MYH15: variants seen among roughly 807,000 people sequenced by gnomAD.
MYH15 encodes the protein myosin heavy chain 15, also known as myosin-15.
In MYH15, 227 loss-of-function variants were observed where a neutral mutation model predicts 240.5. The observed-to-expected ratio is 0.94, with a 90% CI of 0.85 to 1.05. The LOEUF is 1.05. Among genes scored for constraint, MYH15 ranks in the 50% least tolerant of loss-of-function variants. The pLI, the probability that MYH15 is intolerant of heterozygous loss-of-function variation, is 0.00. For missense variants in MYH15, 2,217 were observed against 2,247.5 expected (o/e 0.99, Z 0.27); for synonymous variants, 785 against 796.7 (o/e 0.99, Z 0.25).
In MYH15 at chr3:108,383,746, A is replaced by AAT; in HGVS notation, c.5632-18_5632-17insAT. On this transcript the variant is annotated splice_polypyrimidine_tract_variant and intron_variant, in intron 39 of 40. Coordinates refer to ENST00000693548, the MANE Select transcript of MYH15 (RefSeq NM_014981.3). Reference sequence around the variant, plus strand: ...TTGTGTTTCCTATAAAAATAAAAAAAAAAAAAAAGAAATCTCCATGCCTAT... The same window carrying AAT: ...TTGTGTTTCCTATAAAAATAAAAAAAATAAAAAAAAGAAATCTCCATGCCTAT... The AAT allele has an allele frequency of 2.0e-6, 3 of 1,535,630 alleles. No homozygotes were observed. The highest frequency in any genetic ancestry group is 2.6e-6 in the Non-Finnish European group (3 of 1,146,676).
intron 2 of MYH15, among the ~76,000 whole-genome samples, chr3:108,504,040 C>T (rs1316809966): frequency 6.6e-6 from 1 of 152,064 alleles, no homozygotes; most frequent in Non-Finnish European, 1.5e-5. Flanking sequence ...TGAAAGAAGC[C>T]AGAAACAAAA....
intron 9 of MYH15, among the ~76,000 whole-genome samples, chr3:108,490,100 A>ACATGTC (rs61196076): frequency 0.029 from 4,398 of 152,264 alleles, 189 homozygotes; most frequent in African/African-American, 0.094. Flanking sequence ...ATCCAGAAAC[A>ACATGTC]CATGTCAAGA....
chr3:108,530,536 T>C (rs886134866), upstream of MYH15, among the ~76,000 whole-genome samples: 7 of 152,196 alleles, frequency 4.6e-5, no homozygotes, highest in African/African-American at 1.7e-4. Context: ...ACCCATAGGA[T>C]GTACAATACC....
intron 32 of MYH15, among the ~76,000 whole-genome samples, chr3:108,406,915 T>C (rs1023287655): frequency 7.9e-5 from 12 of 152,182 alleles, no homozygotes; most frequent in Admixed American, 2.6e-4. Context: ...CATTGGCTTG[T>C]CATAGTACTT....
At chr3:108,437,518 C>T in intron 25 of MYH15, 36 bp downstream of exon 25, 1 of 1,597,290 alleles carries the variant, frequency 6.3e-7, no homozygotes, top group Non-Finnish European at 8.5e-7. Context: ...AATATAAGGT[C>T]TCCAGCAATC....
chr3:108,398,928 T>C (rs1346474293), intron 34 of MYH15, 88 bp from the exon 35 acceptor site: 1 of 1,466,748 alleles, frequency 6.8e-7, no homozygotes, highest in Non-Finnish European at 9.5e-7. Flanking sequence ...TGACTATATA[T>C]TTAGACATAA....
At position 108,476,379 on chromosome 3, in the gene MYH15, C is replaced by T; in HGVS notation, c.1233+18G>A. 7.2e-7 allele frequency: 1 copy of T among 1,392,216 alleles called. No homozygotes were observed. Among genetic ancestry groups the T allele is most frequent in the South Asian group, 1.2e-5 (1 of 86,170 alleles). 86.2% of individuals were successfully genotyped at this position (1,392,216 alleles called of 1,614,324 possible). On this transcript the variant is annotated intron_variant, in intron 12 of 40. Transcript: ENST00000693548. ...TGGAAGATCATAGAATAATAATGCT[C>T]TTGAAATATCACCTTACCTGTTCTA... is the stretch of plus-strand genomic sequence containing the variant.
intron 5 of MYH15, 26 bp from the exon 6 acceptor site, chr3:108,498,171 G>C: frequency 6.3e-7 from 1 of 1,595,688 alleles, no homozygotes; most frequent in Non-Finnish European, 8.6e-7. Context: ...CAGTGATACA[G>C]TTAACTGGTT....
chr3:108,478,978 T>C (rs1057489608), intron 11 of MYH15, among the ~76,000 whole-genome samples: 11 of 152,174 alleles, frequency 7.2e-5, no homozygotes, highest in African/African-American at 2.7e-4. Flanking sequence ...TACCCTGGAT[T>C]TACTCCAGAG....
intron 25 of MYH15, among the ~76,000 whole-genome samples, chr3:108,435,914 T>C (rs2082830673): frequency 6.6e-6 from 1 of 152,034 alleles, no homozygotes; most frequent in African/African-American, 2.4e-5. Flanking sequence ...GTTGCTTCTA[T>C]ATATTGGCTA....
intron 19 of MYH15, 38 bp downstream of exon 19, chr3:108,456,728 C>T: frequency 4.2e-6 from 6 of 1,443,984 alleles, no homozygotes; most frequent in Non-Finnish European, 5.8e-6. Context: ...ACAGAATGAA[C>T]TGCCTCAGGC....
chr3:108,531,819 A>AAAT, upstream of MYH15, among the ~76,000 whole-genome samples: 1 of 147,302 alleles, frequency 6.8e-6, no homozygotes, highest in African/African-American at 2.4e-5. Context: ...TAAATAAAAT[A>AAAT]AAAATAAATA....
At chr3:108,413,786 G>T (rs933341367) in intron 30 of MYH15, among the ~76,000 whole-genome samples, 2 of 152,128 alleles carry the variant, frequency 1.3e-5, no homozygotes, top group Admixed American at 6.5e-5. Context: ...CAGCTTCCCT[G>T]TCCATCTTCA....
chr3:108,527,506 G>GACAATTATCTA (rs2083682131), intron 1 of MYH15, among the ~76,000 whole-genome samples: 1 of 152,040 alleles, frequency 6.6e-6, no homozygotes, highest in Non-Finnish European at 1.5e-5. Context: ...GACAATTTAT[G>GACAATTATCTA]TTATTCTAAT....
At chr3:108,541,254 AAT>A in the MYH15 span, among the ~76,000 whole-genome samples, 1 of 151,986 alleles carries the variant, frequency 6.6e-6, no homozygotes, top group African/African-American at 2.4e-5. Flanking sequence ...TTCTCAAATA[AAT>A]ATGAGAGATT....
chr3:108,432,410 C>G (rs2082785947), intron 25 of MYH15, among the ~76,000 whole-genome samples: 1 of 151,374 alleles, frequency 6.6e-6, no homozygotes. Flanking sequence ...AAATTTGCAG[C>G]CTGACAGTGT....
chr3:108,427,373 G>A (rs1317932234), intron 27 of MYH15, among the ~76,000 whole-genome samples: 1 of 152,092 alleles, frequency 6.6e-6, no homozygotes, highest in Non-Finnish European at 1.5e-5. Context: ...TCATCAATGG[G>A]ACTGGTACAA....
chr3:108,467,180 A>C (rs1162105518), intron 14 of MYH15, among the ~76,000 whole-genome samples: 1 of 151,846 alleles, frequency 6.6e-6, no homozygotes, highest in Non-Finnish European at 1.5e-5. Context: ...AGTTCTGGGA[A>C]CTTGACTGCT....
intron 7 of MYH15, among the ~76,000 whole-genome samples, chr3:108,493,965 A>C (rs2083372925): frequency 6.6e-6 from 1 of 152,252 alleles, no homozygotes; most frequent in Non-Finnish European, 1.5e-5. Flanking sequence ...GTCATAAGGC[A>C]GGATCTAGAG....
Sources: gnomAD v4.1 joint callset for allele counts (sites outside exome capture counted in the v4.1 genomes callset) on GRCh38, gnomAD v4.1.1 for gene constraint, MANE v1.5 for transcripts, NCBI Gene and HGNC (gene_info 2026-07-23, HGNC 2026-07-21) for gene names.